Variants in XKR4 observed in about 807,000 individuals in gnomAD.
The protein encoded by XKR4 is XK related 4, also known as XK-related protein 4.
Under a neutral mutation model 53.9 loss-of-function variants are expected in XKR4, and 12 were observed. The ratio of observed to expected loss-of-function variants is 0.22; its 90% CI spans 0.14 to 0.36. The LOEUF (loss-of-function observed/expected upper bound fraction) is 0.36. Ranked by LOEUF, XKR4 falls within the 10% of genes least tolerant of loss-of-function variation. The pLI is 1.00. For synonymous variants in XKR4, 354 were observed against 362.4 expected, an observed-to-expected ratio of 0.98 and a Z score of 0.26; for missense variants, 799 against 859.5, an observed-to-expected ratio of 0.93 and a Z score of 0.88.
At chr8:55,214,185 T>C (rs560521514) in intron 1 of XKR4, among the ~76,000 whole-genome samples, 96 of 152,306 alleles carry the variant, frequency 6.3e-4, no homozygotes, top group Non-Finnish European at 1.2e-3. Context: ...TTATTTACTT[T>C]GTCAGTTCAG....
At chr8:55,325,000 AAGGATCCTTG>A (rs1204119613) in intron 1 of XKR4, among the ~76,000 whole-genome samples, 2 of 149,030 alleles carry the variant, frequency 1.3e-5, no homozygotes, top group African/African-American at 5.1e-5. Context: ...AGTAAGAATT[AAGGATCCTTG>A]ACAGTCAAAA....
chr8:55,322,754 T>C (rs1803233413), intron 1 of XKR4, among the ~76,000 whole-genome samples: 2 of 152,178 alleles, frequency 1.3e-5, no homozygotes. Flanking sequence ...ACATTATATT[T>C]GCATTTTATT....
intron 2 of XKR4, chr8:55,451,326 A>G: frequency 1.6e-6 from 1 of 624,688 alleles, no homozygotes. Flanking sequence ...GGTTAGACAG[A>G]GTGGTGACCC....
At chr8:55,409,802 T>C (rs1804748815) in intron 2 of XKR4, among the ~76,000 whole-genome samples, 1 of 152,076 alleles carries the variant, frequency 6.6e-6, no homozygotes, top group Non-Finnish European at 1.5e-5. Flanking sequence ...AGAAAATAAA[T>C]AGCTTCTGTT....
chr8:55,228,826 T>C (rs114109930), intron 1 of XKR4, among the ~76,000 whole-genome samples: 1 of 114,502 alleles, frequency 8.7e-6, no homozygotes, highest in African/African-American at 3.1e-5. Flanking sequence ...TTGAAATGTA[T>C]GTATATGTGT....
At chr8:55,305,623 C>T (rs1563320495) in intron 1 of XKR4, among the ~76,000 whole-genome samples, 3 of 152,158 alleles carry the variant, frequency 2.0e-5, no homozygotes, top group Admixed American at 6.5e-5. Context: ...TTCACAATGG[C>T]AATGAGGATT....
At position 55,454,189 on chromosome 8, in the gene XKR4, T is replaced by C. The variant is rs550522518; in HGVS notation, c.1007-69092T>C. 290 of 1,024,678 alleles carry C rather than the reference T, an allele frequency of 2.8e-4. 5 individuals carry two copies. The highest frequency in any genetic ancestry group is 2.6e-3 in the South Asian group (207 of 79,188). The allele number at this position is 1,024,678 out of a possible 1,614,324, so 63.5% of individuals were successfully genotyped here. ...GAACACTGTGCGTCTGACTCTGCAG[T>C]GGCTCTAGCAAGGGTGGAATGTGCA... On this transcript the variant is annotated intron_variant, in intron 2 of 2. Transcript: ENST00000327381.
At chr8:55,128,958 G>A (rs1009455473) in intron 1 of XKR4, among the ~76,000 whole-genome samples, 4 of 152,158 alleles carry the variant, frequency 2.6e-5, no homozygotes, top group Admixed American at 6.5e-5. Flanking sequence ...TTATAGGATC[G>A]TCTAACCAAC....
At chr8:55,334,554 C>T (rs1050075945) in intron 1 of XKR4, among the ~76,000 whole-genome samples, 4 of 152,188 alleles carry the variant, frequency 2.6e-5, no homozygotes, top group Admixed American at 6.6e-5. Context: ...GATGTATACT[C>T]AAGGTTGATC....
chr8:55,365,443 G>A (rs1178479092), intron 2 of XKR4, among the ~76,000 whole-genome samples: 4 of 152,198 alleles, frequency 2.6e-5, no homozygotes, highest in Non-Finnish European at 4.4e-5. Context: ...GGTGACTCAC[G>A]CCTGTAATCC....
intron 2 of XKR4, among the ~76,000 whole-genome samples, chr8:55,410,036 T>C (rs1804751488): frequency 1.3e-5 from 2 of 152,150 alleles, no homozygotes; most frequent in South Asian, 4.1e-4. Context: ...TGATGGAGAA[T>C]TGCTGTATTT....
At chr8:55,147,581 G>C (rs557129126) in intron 1 of XKR4, among the ~76,000 whole-genome samples, 93 of 152,344 alleles carry the variant, frequency 6.1e-4, no homozygotes, top group Non-Finnish European at 1.1e-3. Context: ...TGTCCGAGGA[G>C]GCAAGAGGCT....
intron 2 of XKR4, chr8:55,452,975 TG>T: frequency 1.4e-6 from 1 of 718,816 alleles, no homozygotes. Context: ...CGCTCAGGGA[TG>T]GCCACAGGCA....
chr8:55,484,253 T>G (rs1806159097), intron 2 of XKR4, among the ~76,000 whole-genome samples: 1 of 151,780 alleles, frequency 6.6e-6, no homozygotes, highest in Admixed American at 6.6e-5. Flanking sequence ...TACCAAATGT[T>G]TAAATAATTA....
chr8:55,184,842 A>T (rs1420559175), intron 1 of XKR4, among the ~76,000 whole-genome samples: 1 of 152,076 alleles, frequency 6.6e-6, no homozygotes, highest in African/African-American at 2.4e-5. Context: ...TCGGGTGTAG[A>T]TCTATTTTTT....
chr8:55,369,416 G>A (rs1231047047), intron 2 of XKR4, among the ~76,000 whole-genome samples: 1 of 109,670 alleles, frequency 9.1e-6, no homozygotes, highest in Non-Finnish European at 1.8e-5. Flanking sequence ...GAAAGGAAGG[G>A]AAGGGAAAGG....
intron 2 of XKR4, among the ~76,000 whole-genome samples, chr8:55,478,364 C>A (rs1434711107): frequency 6.6e-6 from 1 of 151,478 alleles, no homozygotes; most frequent in Non-Finnish European, 1.5e-5. Flanking sequence ...GATTTTGTCA[C>A]CACCAGGCCT....
At chr8:55,410,495 C>T (rs1221951525) in intron 2 of XKR4, among the ~76,000 whole-genome samples, 1 of 152,232 alleles carries the variant, frequency 6.6e-6, no homozygotes, top group Non-Finnish European at 1.5e-5. Context: ...CTCTCCTTCC[C>T]TGGGCTTCCA....
At chr8:55,480,098 A>G in intron 2 of XKR4, among the ~76,000 whole-genome samples, 1 of 152,234 alleles carries the variant, frequency 6.6e-6, no homozygotes, top group East Asian at 1.9e-4. Flanking sequence ...GACACCAACA[A>G]AAAAGAGAAT....
Sources: gnomAD v4.1 joint callset for allele counts (sites outside exome capture counted in the v4.1 genomes callset) on GRCh38, gnomAD v4.1.1 for gene constraint, MANE v1.5 for transcripts, NCBI Gene and HGNC (gene_info 2026-07-23, HGNC 2026-07-21) for gene names.